The following TRAPPC9 variants were observed in gnomAD, a reference collection of about 807,000 sequenced individuals.
TRAPPC9 encodes the protein IKK2 binding protein.
In TRAPPC9, 83 loss-of-function variants were observed where a neutral mutation model predicts 124.0. The observed-to-expected ratio is 0.67, with a 90% CI of 0.56 to 0.80. The LOEUF (loss-of-function observed/expected upper bound fraction) is 0.80. TRAPPC9 is among the 30% of genes least tolerant of loss of function. The pLI, the probability that TRAPPC9 is intolerant of heterozygous loss-of-function variation, is 0.00. For synonymous variants in TRAPPC9, 638 were observed against 617.5 expected, an observed-to-expected ratio of 1.03 and a Z score of -0.49; for missense variants, 1,302 against 1,508.3, an observed-to-expected ratio of 0.86 and a Z score of 2.27.
At chr8:140,401,620 T>A (rs1431594826) in intron 6 of TRAPPC9, among the ~76,000 whole-genome samples, 2 of 148,544 alleles carry the variant, frequency 1.3e-5, no homozygotes, top group Non-Finnish European at 3.0e-5. Context: ...TAAAATGAAA[T>A]CATGAAAAAT....
intron 21 of TRAPPC9, among the ~76,000 whole-genome samples, chr8:139,838,969 A>C (rs1317497432): frequency 5.9e-5 from 9 of 152,178 alleles, no homozygotes; most frequent in Non-Finnish European, 1.3e-4. Flanking sequence ...GGCAAAATCC[A>C]CATGGCCACG....
intron 17 of TRAPPC9, among the ~76,000 whole-genome samples, chr8:140,204,503 T>C (rs1316521839): frequency 2.0e-5 from 3 of 150,134 alleles, no homozygotes; most frequent in Admixed American, 6.6e-5. Context: ...GGGATAGCAT[T>C]AGGAGATATA....
rs1193737268 is a variant in TRAPPC9, at chr8:140,353,463, C to T, written c.1495+6587G>A. ...AGCCTACATATGGTTGAACCTTACT[C>T]GCTCACCTGGGGCTTTTGATCCCAG... On this transcript the variant is annotated intron_variant, in intron 9 of 22. Coordinates refer to ENST00000438773, the MANE Select transcript of TRAPPC9 (RefSeq NM_001160372.4). This position sits in a 1 kb window ranked among gnomAD's most constrained non-coding sequence, Gnocchi z 4.2. 5.3e-5 allele frequency among the ~76,000 whole-genome samples: 8 copies of T among 152,192 alleles called. No homozygotes were observed. The highest frequency in any genetic ancestry group is 1.0e-4 in the Non-Finnish European group (7 of 68,036).
intron 20 of TRAPPC9, among the ~76,000 whole-genome samples, chr8:139,892,116 C>G (rs1003440304): frequency 1.3e-5 from 2 of 152,212 alleles, no homozygotes; most frequent in African/African-American, 4.8e-5. Flanking sequence ...GCACATGCGC[C>G]GCAGCACCCC....
intron 7 of TRAPPC9, among the ~76,000 whole-genome samples, chr8:140,394,648 G>A (rs1054345550): frequency 1.3e-5 from 2 of 149,106 alleles, no homozygotes; most frequent in Admixed American, 6.7e-5. Context: ...CAAGACCTGT[G>A]ACAGGAACTG....
At chr8:140,367,899 A>C (rs2068168917) in intron 8 of TRAPPC9, among the ~76,000 whole-genome samples, 2 of 152,208 alleles carry the variant, frequency 1.3e-5, no homozygotes, top group Non-Finnish European at 2.9e-5. Context: ...TCAATCATGA[A>C]ATAAGGGGTG....
intron 17 of TRAPPC9, among the ~76,000 whole-genome samples, chr8:140,143,232 C>A (rs1341609162): frequency 6.6e-6 from 1 of 152,200 alleles, no homozygotes; most frequent in Non-Finnish European, 1.5e-5. Context: ...TCAATCAAAG[C>A]ACAGCTGGGC....
At chr8:140,368,644 C>G (rs1334245068) in intron 8 of TRAPPC9, among the ~76,000 whole-genome samples, 2 of 152,074 alleles carry the variant, frequency 1.3e-5, no homozygotes, top group Non-Finnish European at 2.9e-5. Flanking sequence ...TGCAAAAGCA[C>G]CCCCCAGGTC....
At chr8:139,905,207 C>T (rs1831273429) in intron 20 of TRAPPC9, among the ~76,000 whole-genome samples, 1 of 151,958 alleles carries the variant, frequency 6.6e-6, no homozygotes. Flanking sequence ...ACATTACAAA[C>T]AAGCATGCTC....
intron 9 of TRAPPC9, among the ~76,000 whole-genome samples, chr8:140,336,495 C>G (rs2067044350): frequency 6.6e-6 from 1 of 152,158 alleles, no homozygotes; most frequent in Admixed American, 6.5e-5. Flanking sequence ...TGCCCTTCCC[C>G]AGCCCCAAGA....
chr8:140,009,823 A>G (rs926947408), intron 18 of TRAPPC9, among the ~76,000 whole-genome samples: 2 of 152,174 alleles, frequency 1.3e-5, no homozygotes, highest in Admixed American at 1.3e-4. Flanking sequence ...TTCTCCATTC[A>G]AATATAAGCT....
At chr8:139,958,937 A>ATTCCGAGTCACACGGGGGAGCC (rs1835183490) in intron 19 of TRAPPC9, among the ~76,000 whole-genome samples, 1 of 92,158 alleles carries the variant, frequency 1.1e-5, no homozygotes, top group African/African-American at 4.6e-5. Flanking sequence ...ACGGGGGAGC[A>ATTCCGAGTCACACGGGGGAGCC]CTGCATTCCG....
At chr8:139,967,640 A>G (rs964118774) in intron 19 of TRAPPC9, among the ~76,000 whole-genome samples, 7 of 152,220 alleles carry the variant, frequency 4.6e-5, no homozygotes, top group African/African-American at 7.2e-5. Flanking sequence ...GGGGAAGCCA[A>G]AGGCAGGTGA....
At chr8:139,919,051 G>C (rs752603192) in intron 19 of TRAPPC9, among the ~76,000 whole-genome samples, 1 of 152,218 alleles carries the variant, frequency 6.6e-6, no homozygotes, top group Non-Finnish European at 1.5e-5. Flanking sequence ...CCAGGTCTTG[G>C]AGTCAGTAGG....
intron 18 of TRAPPC9, 144 bp downstream of exon 18, chr8:140,023,793 C>G (rs1159902353): frequency 7.9e-7 from 1 of 1,270,328 alleles, no homozygotes; most frequent in African/African-American, 1.5e-5. Context: ...AAAGAAAAAC[C>G]TACATCCCAG....
chr8:140,245,769 C>T (rs894938912), intron 16 of TRAPPC9, among the ~76,000 whole-genome samples: 2 of 152,150 alleles, frequency 1.3e-5, no homozygotes, highest in Non-Finnish European at 2.9e-5. Context: ...AGAGCCAGAG[C>T]GCTGATCAGC....
chr8:140,347,277 ACCT>A (rs1488679660), intron 9 of TRAPPC9, among the ~76,000 whole-genome samples: 1 of 152,090 alleles, frequency 6.6e-6, no homozygotes, highest in Admixed American at 6.5e-5. Flanking sequence ...CTTCCCAGCC[ACCT>A]GCCTGCCTCA....
intron 21 of TRAPPC9, among the ~76,000 whole-genome samples, chr8:139,750,713 C>A (rs1411616762): frequency 1.3e-5 from 2 of 152,222 alleles, no homozygotes; most frequent in Non-Finnish European, 2.9e-5. Context: ...GGCAGGAACA[C>A]CCTGGGCCTG....
At chr8:140,230,714 C>T (rs1351560879) in intron 16 of TRAPPC9, among the ~76,000 whole-genome samples, 8 of 151,872 alleles carry the variant, frequency 5.3e-5, no homozygotes, top group South Asian at 4.2e-4. Context: ...GTGGAGGTTG[C>T]AGTGAGCTGA....
Sources: gnomAD v4.1 joint callset for allele counts (sites outside exome capture counted in the v4.1 genomes callset) on GRCh38, gnomAD v4.1.1 for gene constraint, Gnocchi (gnomAD v3.1) non-coding constraint, MANE v1.5 for transcripts, NCBI Gene and HGNC (gene_info 2026-07-23, HGNC 2026-07-21) for gene names.